DRC3: variants seen among roughly 807,000 people sequenced by gnomAD.
The protein encoded by DRC3 is dynein regulatory complex subunit 3, also known as leucine rich repeat containing 48.
In DRC3, 45 loss-of-function variants were observed where a neutral mutation model predicts 57.6. That is an observed-to-expected ratio of 0.78 (90% CI 0.62 to 1.00). The LOEUF (loss-of-function observed/expected upper bound fraction) is 1.00, where lower values mean the gene tolerates loss of function less well. DRC3 is among the 50% of genes least tolerant of loss of function. The probability of loss-of-function intolerance (pLI) is 0.00; values close to 1 mark genes in which losing one functional copy is unlikely to be tolerated. For missense variants in DRC3, 655 were observed against 675.2 expected (o/e 0.97, Z 0.33); for synonymous variants, 257 against 272.3 (o/e 0.94, Z 0.55).
Position 18,007,126 on chromosome 17 carries a change from C to G in DRC3, c.1305C>G (p.Asp435Glu), listed in dbSNP as rs1425953559. 8 of 1,131,492 alleles carry G rather than the reference C, an allele frequency of 7.1e-6. No homozygotes were observed. Among genetic ancestry groups the G allele is most frequent in the Non-Finnish European group, 8.8e-6 (8 of 911,818 alleles). The allele number at this position is 1,131,492 out of a possible 1,614,324, so 70.1% of individuals were successfully genotyped here. Residue 435 changes from aspartate to glutamate, a missense_variant, in exon 12 of 14, where the codon GAC (aspartate) becomes GAG (glutamate). Transcript: ENST00000399187. ...TTGTCGAGGGCGACCTGGACGAGGA[C>G]CTGCCTAACGACCTGCGCGCGGTAG... ...EKIVEGDLDE[D>E]LPNDLRALFV...
intron 9 of DRC3, among the ~76,000 whole-genome samples, chr17:17,998,168 G>A (rs2043540340): frequency 6.6e-6 from 1 of 152,156 alleles, no homozygotes; most frequent in Non-Finnish European, 1.5e-5. Context: ...AGGGAAGCCT[G>A]GGGAGCCTTG....
At chr17:18,010,932 G>T in intron 12 of DRC3, 1 of 261,436 alleles carries the variant, frequency 3.8e-6, no homozygotes, top group Non-Finnish European at 7.6e-6. Context: ...CCTCTCTCAA[G>T]GATGAGGTTT....
rs2043294440 is a variant in DRC3, at chr17:17,992,875, C to T, written c.555C>T (p.Leu185=). Residue 185 remains leucine, a synonymous_variant, in exon 6 of 14, where the codon CTC becomes CTT. Coordinates refer to ENST00000399187, the MANE Select transcript of DRC3 (RefSeq NM_031294.4). ...TCATCTGTGCCTACCTTCCTGACCT[C>T]ATGTACCTGGACTACCGGCGCATTG... ...KMFICAYLPD[L]MYLDYRRIDD... The T allele has an allele frequency of 1.2e-6, 2 of 1,613,904 alleles. No homozygotes were observed. The highest frequency in any genetic ancestry group is 1.3e-5 in the African/African-American group (1 of 74,932).
At position 17,983,950 on chromosome 17, in the gene DRC3, G is replaced by C. The variant is rs780797341; in HGVS notation, c.277+6G>C. On this transcript the variant is annotated splice_donor_region_variant and intron_variant, in intron 4 of 13. Coordinates refer to ENST00000399187, the MANE Select transcript of DRC3 (RefSeq NM_031294.4). ...CGCACACCTGGTCTGGCTGGGTAAG[G>C]CCCTTTCCTCTGTGTGTCCACCCTA... 5 of 1,582,768 alleles carry C rather than the reference G, an allele frequency of 3.2e-6. No homozygotes were observed. Among genetic ancestry groups the C allele is most frequent in the Non-Finnish European group, 4.3e-6 (5 of 1,152,468 alleles).
Position 18,006,197 on chromosome 17 carries a change from G to A in DRC3, c.1146G>A (p.Met382Ile). The change falls in exon 11 of 14, where the codon ATG becomes ATA. Residue 382 changes from methionine to isoleucine, a missense_variant. Met to Ile is a conservative substitution (Grantham distance 10). Coordinates refer to ENST00000399187, the MANE Select transcript of DRC3 (RefSeq NM_031294.4). ...AACATTTCCAGGAGACTATAAACAT[G>A]TTTGAAAGGAACATTGTTGACATGG... ...LVEQLEETIN[M>I]FERNIVDMVG... 1.2e-6 allele frequency: 2 copies of A among 1,611,682 alleles called. No individual in the cohort carries two copies. Among genetic ancestry groups the A allele is most frequent in the Non-Finnish European group, 1.7e-6 (2 of 1,178,196 alleles).
At chr17:17,974,553 T>G (rs1193349006) in intron 2 of DRC3, among the ~76,000 whole-genome samples, 1 of 152,192 alleles carries the variant, frequency 6.6e-6, no homozygotes, top group African/African-American at 2.4e-5. Context: ...GCTGCCCTTA[T>G]TAAGCCCTAG....
intron 12 of DRC3, chr17:18,007,725 G>T: frequency 8.2e-7 from 1 of 1,224,544 alleles, no homozygotes; most frequent in African/African-American, 1.5e-5. Flanking sequence ...TCTCTGGAAG[G>T]AGTGTGGGCA....
chr17:17,994,130 T>C, intron 6 of DRC3, 169 bp from the exon 7 acceptor site: 2 of 814,180 alleles, frequency 2.5e-6, no homozygotes, highest in Non-Finnish European at 3.7e-6. Flanking sequence ...CATCAGGAGA[T>C]GGGCATTCTC....
Position 17,994,977 on chromosome 17 carries a change from C to T in DRC3, c.712-22C>T, listed in dbSNP as rs763300519. ...GGGCCCCTGACAGGAGCCGTCCTAC[C>T]TACGTGTGTTTCTGCCTGCAGACTG... On this transcript the variant is annotated intron_variant, in intron 7 of 13. Coordinates refer to ENST00000399187, the MANE Select transcript of DRC3 (RefSeq NM_031294.4). The T allele has an allele frequency of 1.9e-6, 3 of 1,589,838 alleles. No individual in the cohort carries two copies. In the Admixed American group the frequency reaches 5.0e-5, roughly 27 times the overall value.
At chr17:18,012,348 CA>C (rs2044198455) in intron 12 of DRC3, among the ~76,000 whole-genome samples, 2 of 152,196 alleles carry the variant, frequency 1.3e-5, no homozygotes, top group South Asian at 4.1e-4. Flanking sequence ...TCACTCTATA[CA>C]AAAATCAACT....
chr17:18,001,888 C>T (rs970567999), intron 9 of DRC3, among the ~76,000 whole-genome samples: 2 of 151,780 alleles, frequency 1.3e-5, no homozygotes, highest in African/African-American at 4.8e-5. Context: ...CAGGTTTGGC[C>T]GGACGCAGTG....
chr17:18,005,881 G>A, intron 10 of DRC3: 1 of 222,542 alleles, frequency 4.5e-6, no homozygotes, highest in South Asian at 7.8e-5. Flanking sequence ...GGGGTTGGCT[G>A]TGTGTGTGTG....
chr17:17,976,628 C>T (rs1236439360), intron 2 of DRC3, among the ~76,000 whole-genome samples: 10 of 152,122 alleles, frequency 6.6e-5, no homozygotes, highest in South Asian at 2.1e-4. Flanking sequence ...GAGCTGAGAC[C>T]GCGCCATTGT....
In DRC3 at chr17:17,980,285, G is replaced by T. The variant is rs1189225958; in HGVS notation, c.160+2527G>T. On this transcript the variant is annotated intron_variant, in intron 3 of 13. Transcript: ENST00000399187. Reference sequence around the variant, plus strand: ...TTGTTTGTTTTGTTTTATTGTTGTTGTTTTTTTTTTTGTAGAGACGGAGTC... The same window carrying T: ...TTGTTTGTTTTGTTTTATTGTTGTTTTTTTTTTTTTTGTAGAGACGGAGTC... Among the ~76,000 whole-genome samples the T allele has an allele frequency of 6.9e-5, 10 of 145,446 alleles. No homozygotes were observed. The East Asian group carries it at 8.3e-4, about 12-fold the overall frequency.
Position 18,007,030 on chromosome 17 carries a change from T to TC in DRC3, c.1210dup (p.Gln404ProfsTer35). 6.2e-7 allele frequency: 1 copy of TC among 1,611,390 alleles called. No homozygotes were observed. On this transcript the variant is annotated frameshift_variant, in exon 12 of 14. Transcript: ENST00000399187. LOFTEE classifies it high-confidence loss of function. The stretch of plus-strand genomic sequence containing the variant: ...GCTTAACTCGGGGCTGCACGATGGC[T>TC]CAGTGCCGGGACCTGGAGAATCACC...
intron 3 of DRC3, among the ~76,000 whole-genome samples, chr17:17,983,328 G>C (rs1403933985): frequency 6.6e-6 from 1 of 152,248 alleles, no homozygotes; most frequent in African/African-American, 2.4e-5. Context: ...TAGTTCAAAG[G>C]GCACTGACTT....
At chr17:18,006,981 C>T (rs199718184) in intron 11 of DRC3, 43 bp from the exon 12 acceptor site, 13 of 1,609,488 alleles carry the variant, frequency 8.1e-6, no homozygotes, top group Admixed American at 1.7e-5. Flanking sequence ...AGGGACGCGC[C>T]GGGCCTGCTC....
intron 9 of DRC3, among the ~76,000 whole-genome samples, chr17:17,999,664 A>G (rs1428410186): frequency 6.6e-6 from 1 of 152,258 alleles, no homozygotes; most frequent in African/African-American, 2.4e-5. Context: ...CTGGTGACCC[A>G]GAGACACATT....
chr17:18,016,099 C>A lies in DRC3; in HGVS notation c.1362C>A (p.Val454=), dbSNP rs750647840. The change falls in exon 13 of 14, where the codon GTC becomes GTA. Residue 454 remains valine (V), a synonymous_variant. Coordinates refer to ENST00000399187, the MANE Select transcript of DRC3 (RefSeq NM_031294.4). ...FVDKDTIVNA[V]GASHDIHLLK... is the part of the protein sequence containing the mutation. The stretch of plus-strand genomic sequence containing the variant: ...ATAAAGATACGATTGTTAATGCTGT[C>A]GGGGCATCGCACGACATCCACCTCC... 5 of 1,613,872 alleles carry A rather than the reference C, an allele frequency of 3.1e-6. No individual in the cohort carries two copies. The highest frequency in any genetic ancestry group is 3.4e-6 in the Non-Finnish European group (4 of 1,179,844).
Sources: allele counts gnomAD v4.1 joint callset (sites outside exome capture counted in the v4.1 genomes callset), GRCh38; gene constraint gnomAD v4.1.1; transcripts MANE v1.5; gene names NCBI Gene and HGNC (gene_info 2026-07-23, HGNC 2026-07-21).